The following ZFHX3 variants were observed in gnomAD, a reference collection of about 807,000 sequenced individuals.
ZFHX3 encodes the protein zinc finger homeobox 3.
ZFHX3 carries 42 observed loss-of-function variants against 279.1 expected under a neutral mutation model. The ratio of observed to expected loss-of-function variants is 0.15; its 90% confidence interval spans 0.12 to 0.19. ZFHX3 has a LOEUF of 0.19. ZFHX3 is among the 10% of genes least tolerant of loss of function. ZFHX3 has a pLI of 1.00. For missense variants in ZFHX3, 4,981 were observed against 4,754.0 expected (o/e 1.05, Z -1.40); for synonymous variants, 2,293 against 1,957.8 (o/e 1.17, Z -4.52).
intron 2 of ZFHX3, among the ~76,000 whole-genome samples, chr16:73,480,422 A>G (rs1172198733): frequency 6.6e-6 from 1 of 152,138 alleles, no homozygotes; most frequent in Non-Finnish European, 1.5e-5. Context: ...CCTTGTTTCC[A>G]GTTTTCCCCC....
intron 1 of ZFHX3, among the ~76,000 whole-genome samples, chr16:73,836,329 A>T (rs577157790): frequency 6.6e-6 from 1 of 152,212 alleles, no homozygotes; most frequent in Admixed American, 6.5e-5. Flanking sequence ...TAATGCCTAC[A>T]TCAGAAAAAA....
At chr16:72,862,240 G>A (rs1372873086) in intron 4 of ZFHX3, among the ~76,000 whole-genome samples, 2 of 152,168 alleles carry the variant, frequency 1.3e-5, no homozygotes, top group Non-Finnish European at 2.9e-5. Flanking sequence ...TCTGGTGGTA[G>A]ATGCCACCCA....
chr16:73,263,781 A>T (rs2013890413), intron 4 of ZFHX3, among the ~76,000 whole-genome samples: 1 of 152,170 alleles, frequency 6.6e-6, no homozygotes, highest in African/African-American at 2.4e-5. Context: ...CAACTACACT[A>T]TTATTAAATT....
In ZFHX3 at chr16:73,425,492, G is replaced by A. The variant is rs116269977; in HGVS notation, c.-1291+30511C>T. Among the ~76,000 whole-genome samples the A allele has an allele frequency of 3.7e-3, 568 of 152,230 alleles. 2 individuals are homozygous for A. The highest frequency in any genetic ancestry group is 0.013 in the African/African-American group (541 of 41,520). Reference sequence around the variant, plus strand: ...AGATGAAAATACTAAGGATCCAAGCGCTAAAGTGATTTGTCCAAGGCCTTA... The same window carrying A: ...AGATGAAAATACTAAGGATCCAAGCACTAAAGTGATTTGTCCAAGGCCTTA... On this transcript the variant is annotated intron_variant, in intron 3 of 17. Transcript: ENST00000641206.
chr16:72,903,535 T>C (rs1051933061), intron 3 of ZFHX3, among the ~76,000 whole-genome samples: 3 of 152,096 alleles, frequency 2.0e-5, no homozygotes, highest in Non-Finnish European at 4.4e-5. Context: ...ATGCCCAAGA[T>C]ATAGCTAGAA....
chr16:73,276,012 G>A (rs184704501), intron 4 of ZFHX3, among the ~76,000 whole-genome samples: 11 of 152,030 alleles, frequency 7.2e-5, no homozygotes, highest in African/African-American at 1.2e-4. Context: ...GATGATATTG[G>A]GAACTTATTA....
intron 8 of ZFHX3, chr16:73,083,533 C>A (rs960586268): frequency 1.3e-5 from 2 of 152,230 alleles, no homozygotes; most frequent in Admixed American, 6.5e-5. Context: ...TTTCCTATTT[C>A]TTTTTTTATT....
intron 3 of ZFHX3, among the ~76,000 whole-genome samples, chr16:73,365,705 T>A (rs2016517368): frequency 6.6e-6 from 1 of 152,212 alleles, no homozygotes; most frequent in African/African-American, 2.4e-5. Flanking sequence ...CAGATCTGTA[T>A]CAGCCCTCTG....
At chr16:72,790,315 T>C (rs2035645874) in intron 9 of ZFHX3, 1 of 152,220 alleles carries the variant, frequency 6.6e-6, no homozygotes, top group African/African-American at 2.4e-5. Context: ...ATATTCACCA[T>C]ATCCAAGAAA....
rs781233918 is a variant in ZFHX3, at chr16:72,794,115, T to C, written c.8567A>G (p.Asp2856Gly). The change falls in exon 9 of 10, where the codon GAC (aspartate) becomes GGC (glycine). Residue 2856 changes from aspartate (D) to glycine (G), a missense_variant. Physicochemically the swap from Asp to Gly is moderately conservative, Grantham distance 94. Coordinates refer to ENST00000268489, the MANE Select transcript of ZFHX3 (RefSeq NM_006885.4). This position sits in a 1 kb window ranked among gnomAD's most constrained non-coding sequence, Gnocchi z 4.2. Reference sequence around the variant, plus strand: ...TTCAGTTGCTATTCCCGTTGCACTGTCGTTATCTGCGTTGCCCTCGTCTCC... The same window carrying C: ...TTCAGTTGCTATTCCCGTTGCACTGCCGTTATCTGCGTTGCCCTCGTCTCC... The part of the protein sequence containing the change: ...TTGDEGNADN[D>G]SATGIATETK... 4.3e-6 allele frequency: 7 copies of C among 1,614,240 alleles called. No individual in the cohort carries two copies. Among genetic ancestry groups the C allele is most frequent in the African/African-American group, 1.3e-5 (1 of 75,060 alleles).
At chr16:73,121,594 T>G (rs993520652) in intron 7 of ZFHX3, among the ~76,000 whole-genome samples, 4 of 151,508 alleles carry the variant, frequency 2.6e-5, no homozygotes, top group Non-Finnish European at 4.4e-5. Flanking sequence ...CTTATTAGGC[T>G]GGCGCAGAAC....
At chr16:73,853,882 C>G (rs1961652314) in intron 1 of ZFHX3, among the ~76,000 whole-genome samples, 1 of 152,096 alleles carries the variant, frequency 6.6e-6, no homozygotes, top group Non-Finnish European at 1.5e-5. Context: ...AAGATCTTCA[C>G]AAGTGATCCT....
intron 1 of ZFHX3, among the ~76,000 whole-genome samples, chr16:73,839,967 C>T (rs982236494): frequency 3.3e-5 from 5 of 152,202 alleles, no homozygotes; most frequent in Non-Finnish European, 7.3e-5. Flanking sequence ...TTCCTGGACC[C>T]ATCCTCTGTG....
Position 72,960,212 on chromosome 16 carries a change from G to C in ZFHX3, c.-49-18C>G. Reference sequence around the variant, plus strand: ...GCTCGGACCTGAAGGGCAGAGGCAAGGGGGGAGGAGGGAGAGAGGGGAAAG... The same window carrying C: ...GCTCGGACCTGAAGGGCAGAGGCAACGGGGGAGGAGGGAGAGAGGGGAAAG... On this transcript the variant is annotated intron_variant, in intron 1 of 9. Coordinates refer to ENST00000268489, the MANE Select transcript of ZFHX3 (RefSeq NM_006885.4). The C allele has an allele frequency of 6.8e-7, 1 of 1,477,534 alleles. No homozygotes were observed. 91.5% of individuals were successfully genotyped at this position (1,477,534 alleles called of 1,614,324 possible).
intron 7 of ZFHX3, 34 bp downstream of exon 7, chr16:72,811,543 A>T: frequency 6.5e-7 from 1 of 1,530,798 alleles, no homozygotes; most frequent in Non-Finnish European, 8.8e-7. Context: ...GACCCTGGAG[A>T]AAGACCACAG....
upstream of ZFHX3, among the ~76,000 whole-genome samples, chr16:73,049,968 G>A (rs1965419509): frequency 6.6e-6 from 1 of 152,198 alleles, no homozygotes; most frequent in African/African-American, 2.4e-5. Context: ...AAGCAACGTG[G>A]CCCACAACGC....
intron 4 of ZFHX3, among the ~76,000 whole-genome samples, chr16:73,274,862 A>G (rs2014248229): frequency 6.6e-6 from 1 of 152,246 alleles, no homozygotes; most frequent in South Asian, 2.1e-4. Context: ...TTGGAATGCT[A>G]TAAATATTCT....
chr16:73,271,748 C>T (rs767133442), intron 4 of ZFHX3, among the ~76,000 whole-genome samples: 1 of 152,176 alleles, frequency 6.6e-6, no homozygotes, highest in African/African-American at 2.4e-5. Flanking sequence ...TGACACCTAC[C>T]CGTCTTCTGG....
intron 8 of ZFHX3, among the ~76,000 whole-genome samples, chr16:73,080,829 C>T (rs1055748578): frequency 3.3e-5 from 5 of 152,280 alleles, no homozygotes; most frequent in African/African-American, 7.2e-5. Flanking sequence ...AATCCTCCCG[C>T]CTTGGCCTCC....
Sources: allele counts gnomAD v4.1 joint callset (sites outside exome capture counted in the v4.1 genomes callset), GRCh38; gene constraint gnomAD v4.1.1; non-coding constraint Gnocchi (gnomAD v3.1); transcripts MANE v1.5; gene names NCBI Gene and HGNC (gene_info 2026-07-23, HGNC 2026-07-21).